Variants in SMIM7 observed in about 807,000 individuals in gnomAD.
SMIM7 encodes UPF0608 protein C19orf42.
Under a neutral mutation model 13.3 loss-of-function variants are expected in SMIM7, and 12 were observed. The observed-to-expected ratio is 0.90, with a 90% confidence interval of 0.58 to 1.46. SMIM7 has a LOEUF of 1.46. Ranked by LOEUF, SMIM7 falls within the 40% of genes most tolerant of loss-of-function variation. SMIM7 has a pLI of 0.00. For missense variants in SMIM7, 114 were observed against 94.8 expected, an observed-to-expected ratio of 1.20 and a Z score of -0.84; for synonymous variants, 36 against 35.8, an observed-to-expected ratio of 1.01 and a Z score of -0.02.
At chr19:16,637,262 C>T (rs1313826375) in intron 4 of SMIM7, among the ~76,000 whole-genome samples, 1 of 151,930 alleles carries the variant, frequency 6.6e-6, no homozygotes, top group Non-Finnish European at 1.5e-5. Flanking sequence ...ACACCTATAA[C>T]CCCAGCACTT....
rs2086495843 is a variant in SMIM7 at position 16,649,757 on chromosome 19, G to A, written c.213-2496C>T. The stretch of plus-strand genomic sequence containing the variant: ...CCACCAACTGACAGATGGAAAACTG[G>A]GGAATAGTCATACAAGAGAATGATT... On this transcript the variant is annotated intron_variant, in intron 4 of 4. Transcript: ENST00000487416. Among the ~76,000 whole-genome samples the A allele has an allele frequency of 2.0e-5, 3 of 152,090 alleles. No individual in the cohort carries two copies. The South Asian group carries it at 6.2e-4, about 32-fold the overall frequency.
downstream of SMIM7, chr19:16,643,910 C>T (rs2086423184): frequency 6.6e-6 from 1 of 152,124 alleles, no homozygotes; most frequent in African/African-American, 2.4e-5. Context: ...TGGCTAAGGA[C>T]CTATTTACTG....
downstream of SMIM7, among the ~76,000 whole-genome samples, chr19:16,642,910 A>G (rs2086414278): frequency 7.0e-6 from 1 of 143,672 alleles, no homozygotes; most frequent in Admixed American, 7.4e-5. Flanking sequence ...TGCGACCTCC[A>G]CCTCCCAAGT....
intron 3 of SMIM7, among the ~76,000 whole-genome samples, chr19:16,658,961 C>T (rs1260051700): frequency 6.6e-6 from 1 of 152,022 alleles, no homozygotes; most frequent in Admixed American, 6.6e-5. Flanking sequence ...GAAAGGCTAG[C>T]ACATTCTCAG....
chr19:16,631,633 A>AGCTGT (rs2086322066), exon 5 of SMIM7: 1 of 152,202 alleles, frequency 6.6e-6, no homozygotes, highest in South Asian at 2.1e-4. Flanking sequence ...AGGTTCACAC[A>AGCTGT]GCTGTACAGG....
At chr19:16,644,021 C>T (rs569317022), downstream of SMIM7, 3 of 151,900 alleles carry the variant, frequency 2.0e-5, no homozygotes, top group African/African-American at 7.2e-5. Context: ...ACTCATCCTT[C>T]CTTATCCACT....
chr19:16,652,772 C>T, intron 4 of SMIM7: 1 of 1,505,048 alleles, frequency 6.6e-7, no homozygotes, highest in East Asian at 2.5e-5. Context: ...TCAGGACAGA[C>T]AACTTTTTGT....
intron 4 of SMIM7, among the ~76,000 whole-genome samples, chr19:16,650,078 TA>T (rs1189436605): frequency 6.6e-6 from 1 of 152,208 alleles, no homozygotes; most frequent in Non-Finnish European, 1.5e-5. Context: ...GAATATTCTA[TA>T]AAATACCGGA....
chr19:16,634,240 G>A (rs2086342496), intron 4 of SMIM7: 2 of 152,102 alleles, frequency 1.3e-5, no homozygotes, highest in South Asian at 2.1e-4. Flanking sequence ...GAGGACCTAC[G>A]ATGTGTCAGG....
chr19:16,649,082 C>A (rs540625329), intron 4 of SMIM7, among the ~76,000 whole-genome samples: 1 of 152,072 alleles, frequency 6.6e-6, no homozygotes, highest in African/African-American at 2.4e-5. Flanking sequence ...TTAACGGTAA[C>A]AGAGTTGGCA....
intron 4 of SMIM7, among the ~76,000 whole-genome samples, chr19:16,651,002 G>A (rs1219429015): frequency 6.6e-6 from 1 of 152,182 alleles, no homozygotes; most frequent in African/African-American, 2.4e-5. Context: ...AGAACCTTCT[G>A]GCACATCATC....
intron 3 of SMIM7, among the ~76,000 whole-genome samples, chr19:16,657,560 T>C (rs1013735185): frequency 6.6e-6 from 1 of 152,236 alleles, no homozygotes; most frequent in Non-Finnish European, 1.5e-5. Context: ...TGATTCCCTA[T>C]GTGGCCACAA....
chr19:16,653,474 T>C (rs906685270), intron 4 of SMIM7, among the ~76,000 whole-genome samples: 1 of 151,830 alleles, frequency 6.6e-6, no homozygotes, highest in Non-Finnish European at 1.5e-5. Flanking sequence ...TCCCAGCTAC[T>C]CGGGAGGCTG....
chr19:16,635,518 CAA>C (rs1200502367), intron 4 of SMIM7, among the ~76,000 whole-genome samples: 1 of 152,034 alleles, frequency 6.6e-6, no homozygotes, highest in African/African-American at 2.4e-5. Context: ...AAAAAAACAA[CAA>C]ACTCACCCTA....
intron 4 of SMIM7, chr19:16,631,724 CCT>C (rs771660737): frequency 1.3e-5 from 2 of 152,110 alleles, no homozygotes; most frequent in Non-Finnish European, 2.9e-5. Context: ...GAAGCAAGCC[CCT>C]GAGAGACAGG....
intron 3 of SMIM7, chr19:16,659,075 G>A (rs2086633108): frequency 2.7e-6 from 1 of 375,296 alleles, no homozygotes; most frequent in African/African-American, 2.1e-5. Flanking sequence ...TTGAACCCAG[G>A]AGTTCGAGAC....
chr19:16,659,491 A>G lies in SMIM7; in HGVS notation c.69-44T>C, dbSNP rs937498969. ...AGTGTCCACTTTCAATGGGACATAG[A>G]GTCCTCAGCCCCCTGACCCCCAGCT... On this transcript the variant is annotated intron_variant, in intron 2 of 4. Coordinates refer to ENST00000487416, the MANE Select transcript of SMIM7 (RefSeq NM_024104.4). 14 of 1,587,636 alleles carry G rather than the reference A, an allele frequency of 8.8e-6. No individual in the cohort carries two copies. The African/African-American group carries it at 1.6e-4, about 18-fold the overall frequency.
intron 4 of SMIM7, among the ~76,000 whole-genome samples, chr19:16,635,901 T>A (rs55942125): frequency 0.27 from 27,419 of 102,380 alleles, 3,146 homozygotes; most frequent in East Asian, 0.42. Flanking sequence ...AAAAAAAAAA[T>A]ATATATATAT....
chr19:16,655,328 T>A (rs373136473), intron 3 of SMIM7: 10 of 456,226 alleles, frequency 2.2e-5, no homozygotes, highest in Middle Eastern at 3.3e-4. Context: ...TTCTAGACCC[T>A]TCTTCCAGGG....
Sources: allele counts gnomAD v4.1 joint callset (sites outside exome capture counted in the v4.1 genomes callset), GRCh38; gene constraint gnomAD v4.1.1; transcripts MANE v1.5; gene names NCBI Gene and HGNC (gene_info 2026-07-23, HGNC 2026-07-21).